Variants in ZBTB41 observed in about 807,000 individuals in gnomAD.
The protein encoded by ZBTB41 is zinc finger and BTB domain-containing protein 41.
In ZBTB41, 42 loss-of-function variants were observed where a neutral mutation model predicts 87.6. That is an observed-to-expected ratio of 0.48 (90% CI 0.37 to 0.62). The LOEUF (loss-of-function observed/expected upper bound fraction) is 0.62. Ranked by LOEUF, ZBTB41 falls within the 20% of genes least tolerant of loss-of-function variation. The probability of loss-of-function intolerance (pLI) is 0.00; values close to 1 mark genes in which losing one functional copy is unlikely to be tolerated. For synonymous variants in ZBTB41, 364 were observed against 364.0 expected (o/e 1.00, Z 0.00); for missense variants, 799 against 1,078.9 (o/e 0.74, Z 3.63).
intron 10 of ZBTB41, among the ~76,000 whole-genome samples, chr1:197,164,468 G>A (rs1659268453): frequency 6.6e-6 from 1 of 151,112 alleles, no homozygotes; most frequent in African/African-American, 2.4e-5. Context: ...GGACAAAGAT[G>A]ATCAAAATAG....
chr1:197,193,191 C>T (rs540073186), intron 2 of ZBTB41, among the ~76,000 whole-genome samples: 60 of 152,226 alleles, frequency 3.9e-4, no homozygotes, highest in Non-Finnish European at 7.1e-4. Flanking sequence ...AGTAACACTT[C>T]ATGGGGTTGT....
intron 5 of ZBTB41, among the ~76,000 whole-genome samples, chr1:197,186,804 C>T (rs1377542345): frequency 1.3e-5 from 2 of 152,012 alleles, no homozygotes; most frequent in African/African-American, 4.8e-5. Flanking sequence ...GTGGAGGTTG[C>T]AGTAAGCCAA....
rs1288897223 is a variant in ZBTB41 at position 197,181,890 on chromosome 1, C to A, written c.1547-773G>T. 2.0e-5 allele frequency among the ~76,000 whole-genome samples: 3 copies of A among 152,016 alleles called. 1 individual carries two copies. Among genetic ancestry groups the A allele is most frequent in the African/African-American group, 7.2e-5 (3 of 41,392 alleles). The stretch of plus-strand genomic sequence containing the variant: ...TTACACATTAGAAATGAGAGATGAC[C>A]TCAAAATGTACATTGTATTAAGTAT... On this transcript the variant is annotated intron_variant, in intron 5 of 10. Transcript: ENST00000367405.
At chr1:197,187,553 T>C (rs1429689283) in intron 5 of ZBTB41, among the ~76,000 whole-genome samples, 4 of 152,234 alleles carry the variant, frequency 2.6e-5, no homozygotes, top group Non-Finnish European at 5.9e-5. Context: ...TGTTATACTA[T>C]ATTTTAAAAT....
chr1:197,164,733 C>T (rs371330841), intron 10 of ZBTB41, among the ~76,000 whole-genome samples: 5 of 108,052 alleles, frequency 4.6e-5, no homozygotes, highest in South Asian at 2.9e-4. Context: ...ATATATAATA[C>T]GTATCTAATA....
At chr1:197,165,292 T>C (rs1019797840) in intron 10 of ZBTB41, among the ~76,000 whole-genome samples, 23 of 151,886 alleles carry the variant, frequency 1.5e-4, no homozygotes, top group African/African-American at 5.1e-4. Context: ...TTTAACTGAA[T>C]TATAATGGAA....
chr1:197,180,923 A>T (rs868189568), intron 6 of ZBTB41, 65 bp downstream of exon 6: 5 of 1,508,834 alleles, frequency 3.3e-6, no homozygotes, highest in Non-Finnish European at 4.4e-6. Flanking sequence ...CCTATAAATC[A>T]TATTGATTGA....
chr1:197,193,878 A>G (rs1660092955), intron 2 of ZBTB41, among the ~76,000 whole-genome samples: 1 of 152,198 alleles, frequency 6.6e-6, no homozygotes, highest in Non-Finnish European at 1.5e-5. Context: ...AATCAAAAGT[A>G]TACAGTCTGA....
chr1:197,159,283 C>G lies in ZBTB41; in HGVS notation c.*76G>C, dbSNP rs1659140949. On this transcript the variant is annotated 3_prime_UTR_variant, in exon 11 of 11. Transcript: ENST00000367405. ...ACTAGAGAAAACAAGAAAATAGCAG[C>G]CCCACAAATTTAAAAGCTATCATCT... 4.9e-6 allele frequency: 7 copies of G among 1,415,178 alleles called. 1 individual carries two copies. The South Asian group carries it at 7.9e-5, about 16-fold the overall frequency. The allele number at this position is 1,415,178 out of a possible 1,614,324, so 87.7% of individuals were successfully genotyped here. A position where few individuals can be genotyped will look rare whatever the true frequency, so the allele number is the denominator to read the frequency against.
chr1:197,169,913 T>C (rs1296971366), intron 10 of ZBTB41, among the ~76,000 whole-genome samples: 4 of 151,966 alleles, frequency 2.6e-5, no homozygotes, highest in Non-Finnish European at 5.9e-5. Flanking sequence ...AAGAAAATCT[T>C]ATATACATTT....
At chr1:197,177,267 C>T (rs1425211062) in intron 7 of ZBTB41, among the ~76,000 whole-genome samples, 1 of 152,096 alleles carries the variant, frequency 6.6e-6, no homozygotes, top group Non-Finnish European at 1.5e-5. Context: ...AGATCTGATG[C>T]TTTAAAAGTG....
chr1:197,177,793 A>G (rs1319674166), intron 7 of ZBTB41, among the ~76,000 whole-genome samples: 1 of 152,130 alleles, frequency 6.6e-6, no homozygotes, highest in East Asian at 1.9e-4. Context: ...AGACCAACTG[A>G]CTAGACTACC....
At chr1:197,190,127 G>A (rs1334317187) in intron 4 of ZBTB41, among the ~76,000 whole-genome samples, 1 of 152,056 alleles carries the variant, frequency 6.6e-6, no homozygotes, top group Non-Finnish European at 1.5e-5. Context: ...TGCCATGTTG[G>A]CCAGATTGGT....
chr1:197,190,651 T>G (rs1180253975), intron 4 of ZBTB41, 111 bp downstream of exon 4: 5 of 627,122 alleles, frequency 8.0e-6, no homozygotes, highest in Non-Finnish European at 8.2e-6. Context: ...AGGAAAATTC[T>G]AAAAGTGAGA....
chr1:197,175,184 A>G (rs1052881413), intron 8 of ZBTB41, 69 bp from the exon 9 acceptor site: 44 of 1,302,400 alleles, frequency 3.4e-5, no homozygotes, highest in Middle Eastern at 1.9e-4. Flanking sequence ...GAAACAAACT[A>G]TCAAACAGTA....
At chr1:197,188,694 A>G (rs1450843537) in intron 4 of ZBTB41, among the ~76,000 whole-genome samples, 1 of 152,226 alleles carries the variant, frequency 6.6e-6, no homozygotes, top group Admixed American at 6.5e-5. Context: ...GAATAATCAT[A>G]CTATCTTAAT....
At chr1:197,163,126 A>G (rs1016863031) in intron 10 of ZBTB41, among the ~76,000 whole-genome samples, 7 of 152,162 alleles carry the variant, frequency 4.6e-5, no homozygotes, top group Non-Finnish European at 8.8e-5. Flanking sequence ...AGAGACCCCA[A>G]TGCAATGATG....
At chr1:197,191,963 G>A in intron 2 of ZBTB41, 64 bp from the exon 3 acceptor site, 1 of 1,358,446 alleles carries the variant, frequency 7.4e-7, no homozygotes, top group Non-Finnish European at 9.9e-7. Context: ...TGGAATTTGA[G>A]AGTGGAATAA....
chr1:197,197,176 C>G (rs1032783523), intron 2 of ZBTB41, among the ~76,000 whole-genome samples: 9 of 152,048 alleles, frequency 5.9e-5, no homozygotes, highest in Non-Finnish European at 1.3e-4. Flanking sequence ...GTACTATTAG[C>G]ATCACATTAG....
Sources: allele counts gnomAD v4.1 joint callset (sites outside exome capture counted in the v4.1 genomes callset), GRCh38; gene constraint gnomAD v4.1.1; transcripts MANE v1.5; gene names NCBI Gene and HGNC (gene_info 2026-07-23, HGNC 2026-07-21).